Variants in RIT2 observed in about 807,000 individuals in gnomAD.
The protein encoded by RIT2 is Ras like without CAAX 2, also known as GTP-binding protein Rit2.
RIT2 carries 24 observed loss-of-function variants against 23.7 expected under a neutral mutation model. The ratio of observed to expected loss-of-function variants is 1.01; its 90% CI spans 0.73 to 1.43. The LOEUF is 1.43. Among genes scored for constraint, RIT2 ranks in the 40% most tolerant of loss-of-function variants. The pLI is 0.00. For synonymous variants in RIT2, 107 were observed against 91.1 expected, an observed-to-expected ratio of 1.17 and a Z score of -0.99; for missense variants, 236 against 266.9, an observed-to-expected ratio of 0.88 and a Z score of 0.81.
intron 1 of RIT2, among the ~76,000 whole-genome samples, chr18:43,072,371 A>G: frequency 6.6e-6 from 1 of 152,084 alleles, no homozygotes; most frequent in Middle Eastern, 3.2e-3. Context: ...TTGCGAATCA[A>G]TTTGCTTATG....
intron 1 of RIT2, among the ~76,000 whole-genome samples, chr18:43,052,660 T>A (rs895941418): frequency 2.0e-5 from 3 of 152,080 alleles, no homozygotes; most frequent in Non-Finnish European, 4.4e-5. Context: ...ATGTCTCTTA[T>A]CTACTCATCT....
At position 42,927,368 on chromosome 18, in the gene RIT2, TG is replaced by T. The variant is rs879755092; in HGVS notation, c.235-3606del. On this transcript the variant is annotated intron_variant, in intron 3 of 4. Coordinates refer to ENST00000326695, the MANE Select transcript of RIT2 (RefSeq NM_002930.4). The stretch of plus-strand genomic sequence containing the variant: ...ACGTATATATGTTTCCATGTGGATG[TG>T]GTGTGTGTGTGTGTGTGTGTGTGTG... Among the ~76,000 whole-genome samples, 497 of 87,764 alleles carry T rather than the reference TG, an allele frequency of 5.7e-3. 1 individual carries two copies. The highest frequency in any genetic ancestry group is 0.011 in the Non-Finnish European group (419 of 37,542). The allele number at this position is 87,764 out of a possible 152,430, so 57.6% of individuals were successfully genotyped here. A position where few individuals can be genotyped will look rare whatever the true frequency, so the allele number is the denominator to read the frequency against.
At chr18:43,061,476 G>T (rs986712319) in intron 1 of RIT2, among the ~76,000 whole-genome samples, 1 of 152,112 alleles carries the variant, frequency 6.6e-6, no homozygotes, top group African/African-American at 2.4e-5. Flanking sequence ...TTCCTAGGCA[G>T]ACAGGGACAG....
chr18:42,792,670 A>G (rs954998696), intron 4 of RIT2, among the ~76,000 whole-genome samples: 2 of 152,172 alleles, frequency 1.3e-5, no homozygotes, highest in African/African-American at 4.8e-5. Flanking sequence ...CGGTGTGTCG[A>G]AGTTCATATA....
intron 4 of RIT2, among the ~76,000 whole-genome samples, chr18:42,781,441 G>T (rs1238306377): frequency 6.6e-6 from 1 of 152,098 alleles, no homozygotes; most frequent in Non-Finnish European, 1.5e-5. Flanking sequence ...GAAAACCTAA[G>T]AGCTGCGAAC....
chr18:42,813,245 A>G (rs1396964642), intron 4 of RIT2, among the ~76,000 whole-genome samples: 2 of 152,210 alleles, frequency 1.3e-5, no homozygotes, highest in Non-Finnish European at 2.9e-5. Flanking sequence ...CTCTTATTAA[A>G]ATAAACATCA....
intron 4 of RIT2, among the ~76,000 whole-genome samples, chr18:42,888,630 T>C (rs1366941050): frequency 6.6e-6 from 1 of 152,016 alleles, no homozygotes; most frequent in Admixed American, 6.6e-5. Flanking sequence ...TGCTGCAGTA[T>C]TCACAATAGC....
At chr18:42,923,524 C>T in intron 4 of RIT2, 48 bp downstream of exon 4, 3 of 1,495,596 alleles carry the variant, frequency 2.0e-6, no homozygotes, top group Admixed American at 1.8e-5. Context: ...TTGTACTATG[C>T]ATCCTCAGAG....
At chr18:42,905,503 C>T (rs1039034967) in intron 4 of RIT2, among the ~76,000 whole-genome samples, 2 of 152,148 alleles carry the variant, frequency 1.3e-5, no homozygotes, top group African/African-American at 4.8e-5. Flanking sequence ...GACGGAGTCT[C>T]ACTCTGTCAT....
At chr18:42,752,831 A>T (rs1913077715) in intron 4 of RIT2, among the ~76,000 whole-genome samples, 1 of 152,168 alleles carries the variant, frequency 6.6e-6, no homozygotes, top group Non-Finnish European at 1.5e-5. Flanking sequence ...TCATTATACC[A>T]CAGTGCCCCT....
intron 4 of RIT2, among the ~76,000 whole-genome samples, chr18:42,907,112 G>T (rs1908644061): frequency 6.6e-6 from 1 of 152,000 alleles, no homozygotes; most frequent in African/African-American, 2.4e-5. Flanking sequence ...TCTTCTTTTA[G>T]AAAAAATTTG....
chr18:43,026,592 G>GAAAGAAAGAAAGAAAGAAAGAAAGAAAT (rs1568059832), intron 2 of RIT2, among the ~76,000 whole-genome samples: 2 of 127,470 alleles, frequency 1.6e-5, no homozygotes, highest in African/African-American at 5.7e-5. Context: ...AAGAAAGAAA[G>GAAAGAAAGAAAGAAAGAAAGAAAGAAAT]AAAGAAAGAA....
chr18:42,985,914 A>G (rs1598738808), intron 2 of RIT2, among the ~76,000 whole-genome samples: 2 of 152,262 alleles, frequency 1.3e-5, no homozygotes, highest in Admixed American at 6.5e-5. Flanking sequence ...ATTGGGCTAC[A>G]TTAAAAACAA....
intron 4 of RIT2, among the ~76,000 whole-genome samples, chr18:42,837,618 G>A (rs1906653135): frequency 6.6e-6 from 1 of 152,146 alleles, no homozygotes; most frequent in Admixed American, 6.6e-5. Context: ...TTTAGCCAAA[G>A]CTTTCTCCAA....
intron 3 of RIT2, among the ~76,000 whole-genome samples, chr18:42,962,869 A>G (rs1394239674): frequency 6.6e-6 from 1 of 152,174 alleles, no homozygotes; most frequent in Non-Finnish European, 1.5e-5. Context: ...CTGCAGGACA[A>G]TCCTATATAA....
chr18:42,939,986 G>A (rs1909555365), intron 3 of RIT2, among the ~76,000 whole-genome samples: 1 of 151,752 alleles, frequency 6.6e-6, no homozygotes, highest in African/African-American at 2.4e-5. Context: ...CCTGAATGAA[G>A]GCCTGATAGG....
At chr18:42,767,808 A>G (rs930484365) in intron 4 of RIT2, among the ~76,000 whole-genome samples, 2 of 152,134 alleles carry the variant, frequency 1.3e-5, no homozygotes, top group Non-Finnish European at 2.9e-5. Flanking sequence ...TATTCTTCTG[A>G]TAGTGAATAA....
intron 4 of RIT2, among the ~76,000 whole-genome samples, chr18:42,793,276 A>T (rs1914083078): frequency 6.6e-6 from 1 of 152,180 alleles, no homozygotes; most frequent in Non-Finnish European, 1.5e-5. Flanking sequence ...CAAATTTTCT[A>T]AGCTTTTCCC....
chr18:42,822,556 A>G (rs1007569382), intron 4 of RIT2, among the ~76,000 whole-genome samples: 16 of 152,142 alleles, frequency 1.1e-4, no homozygotes, highest in Admixed American at 9.8e-4. Context: ...TCACTGCCCC[A>G]ATCTGGCACA....
Sources: gnomAD v4.1 joint callset for allele counts (sites outside exome capture counted in the v4.1 genomes callset) on GRCh38, gnomAD v4.1.1 for gene constraint, MANE v1.5 for transcripts, NCBI Gene and HGNC (gene_info 2026-07-23, HGNC 2026-07-21) for gene names.